The following TSPAN7 variants were observed in gnomAD, a reference collection of about 807,000 sequenced individuals.
The protein encoded by TSPAN7 is tetraspanin 7.
Under a neutral mutation model 17.6 loss-of-function variants are expected in TSPAN7, and 1 was observed. That is an observed-to-expected ratio of 0.06 (90% CI 0.02 to 0.27). The LOEUF (loss-of-function observed/expected upper bound fraction) is 0.27. TSPAN7 is among the 10% of genes least tolerant of loss of function. TSPAN7 has a pLI of 1.00. For synonymous variants in TSPAN7, 78 were observed against 79.0 expected (o/e 0.99, Z 0.07); for missense variants, 112 against 201.7 (o/e 0.56, Z 2.69).
chrX:38,677,867 A>G lies in TSPAN7; in HGVS notation c.597+2007A>G, dbSNP rs566528912. On this transcript the variant is annotated intron_variant, in intron 5 of 7. Transcript: ENST00000378482. Reference sequence around the variant, plus strand: ...GTAATAGTAGATGCTCATAAATGTTACCCTTCCTCCCAGTGACTCCTTCCC... The same window carrying G: ...GTAATAGTAGATGCTCATAAATGTTGCCCTTCCTCCCAGTGACTCCTTCCC... 5.4e-5 allele frequency among the ~76,000 whole-genome samples: 6 copies of G among 112,021 alleles called. No homozygotes were observed. In the South Asian group the frequency reaches 2.3e-3, roughly 42 times the overall value.
intron 1 of TSPAN7, among the ~76,000 whole-genome samples, chrX:38,593,810 A>G (rs2069304843): frequency 8.9e-6 from 1 of 112,527 alleles, no homozygotes; most frequent in African/African-American, 3.2e-5. Context: ...CAGAAATGTG[A>G]GAAAATAAGT....
intron 1 of TSPAN7, among the ~76,000 whole-genome samples, chrX:38,655,434 G>A (rs2069697807): frequency 9.0e-6 from 1 of 111,021 alleles, no homozygotes; most frequent in Admixed American, 9.6e-5. Context: ...TATATGCAGT[G>A]TGGACATATG....
chrX:38,681,953 A>AG lies in TSPAN7; in HGVS notation c.681+667dup, dbSNP rs765062192. ...TAAGATTAAGCTAAATCTAAAATGT[A>AG]GCCCACGTCCACCAGGCAGGGCATG... On this transcript the variant is annotated intron_variant, in intron 6 of 7. Transcript: ENST00000378482. Among the ~76,000 whole-genome samples the AG allele has an allele frequency of 3.6e-5, 4 of 112,051 alleles. No homozygotes were observed. In the South Asian group the frequency reaches 1.5e-3, roughly 42 times the overall value.
intron 1 of TSPAN7, among the ~76,000 whole-genome samples, chrX:38,625,287 T>G (rs1045184574): frequency 9.0e-6 from 1 of 111,056 alleles, no homozygotes; most frequent in Non-Finnish European, 1.9e-5. Context: ...TTAAAACCCC[T>G]TTTCTTAACT....
At chrX:38,628,087 G>C (rs1248731312) in intron 1 of TSPAN7, among the ~76,000 whole-genome samples, 1 of 113,076 alleles carries the variant, frequency 8.8e-6, no homozygotes, top group Non-Finnish European at 1.9e-5. Context: ...CAGAGTTCTA[G>C]ATCCTATTGT....
chrX:38,615,268 A>G (rs372376969), intron 1 of TSPAN7, among the ~76,000 whole-genome samples: 1 of 111,752 alleles, frequency 8.9e-6, no homozygotes, highest in African/African-American at 3.3e-5. Context: ...ATTCTTTTTC[A>G]TAACTATAGC....
chrX:38,568,823 T>C (rs1437905965), intron 1 of TSPAN7, among the ~76,000 whole-genome samples: 3 of 111,247 alleles, frequency 2.7e-5, no homozygotes, highest in Non-Finnish European at 5.7e-5. Flanking sequence ...CTACCTCTTT[T>C]TCTTCTTGTT....
chrX:38,674,821 AAG>A (rs1408126029), intron 4 of TSPAN7, among the ~76,000 whole-genome samples: 3 of 110,919 alleles, frequency 2.7e-5, no homozygotes, highest in Non-Finnish European at 5.7e-5. Flanking sequence ...GGGGAAATAG[AAG>A]AGAGATTTCC....
chrX:38,590,757 A>C (rs1000429400), intron 1 of TSPAN7, among the ~76,000 whole-genome samples: 1 of 111,650 alleles, frequency 9.0e-6, no homozygotes, highest in African/African-American at 3.2e-5. Context: ...ATCTTTTGCT[A>C]GTATAGATTC....
chrX:38,611,708 T>C (rs185337332), intron 1 of TSPAN7, among the ~76,000 whole-genome samples: 138 of 112,007 alleles, frequency 1.2e-3, no homozygotes, highest in East Asian at 1.4e-3. Flanking sequence ...GTACTCTTTG[T>C]AACATAATCT....
chrX:38,609,754 C>T (rs897494593), intron 1 of TSPAN7, among the ~76,000 whole-genome samples: 2 of 109,756 alleles, frequency 1.8e-5, no homozygotes, highest in Non-Finnish European at 3.8e-5. Context: ...GAGACAGTTA[C>T]ATACTCATTT....
At chrX:38,673,604 C>A (rs1170147098) in intron 3 of TSPAN7, among the ~76,000 whole-genome samples, 3 of 110,556 alleles carry the variant, frequency 2.7e-5, no homozygotes, top group Non-Finnish European at 3.8e-5. Context: ...AACTCCTGAC[C>A]TCAAGTTATC....
chrX:38,687,806 C>G, intron 7 of TSPAN7, 132 bp downstream of exon 7: 1 of 464,282 alleles, frequency 2.2e-6, no homozygotes, highest in Non-Finnish European at 3.5e-6. Flanking sequence ...GTTCAGAAAT[C>G]TCATTTCTGT....
At chrX:38,675,955 G>A (rs2069851305) in intron 5 of TSPAN7, 95 bp downstream of exon 5, 2 of 1,020,574 alleles carry the variant, frequency 2.0e-6, no homozygotes, top group Admixed American at 2.6e-5. Context: ...ATTTGAAATA[G>A]TAGTCAAGGG....
intron 1 of TSPAN7, among the ~76,000 whole-genome samples, chrX:38,614,993 T>C (rs1602099941): frequency 1.9e-5 from 1 of 52,736 alleles, no homozygotes; most frequent in Non-Finnish European, 3.8e-5. Flanking sequence ...AGATTTATTC[T>C]TTTTTTTTTT....
At chrX:38,674,352 A>G (rs960589004) in intron 4 of TSPAN7, 36 bp downstream of exon 4, 28 of 1,115,426 alleles carry the variant, frequency 2.5e-5, no homozygotes, top group Non-Finnish European at 2.9e-5. Context: ...TGAACTAACT[A>G]TGAAGTCTAG....
rs908491517 is a variant in TSPAN7 at position 38,568,284 on chromosome X, C to G, written c.81+6657C>G. Reference sequence around the variant, plus strand: ...TCGGTTTTTGAGATGTCATGTCTTTCTCTTCCTTGGTGTTTTTTTTTTTTT... The same window carrying G: ...TCGGTTTTTGAGATGTCATGTCTTTGTCTTCCTTGGTGTTTTTTTTTTTTT... On this transcript the variant is annotated intron_variant, in intron 1 of 7. Coordinates refer to ENST00000378482, the MANE Select transcript of TSPAN7 (RefSeq NM_004615.4). Among the ~76,000 whole-genome samples, 103 of 104,743 alleles carry G rather than the reference C, an allele frequency of 9.8e-4. 1 individual carries two copies. The Admixed American group carries it at 0.01, about 11-fold the overall frequency. 91.0% of individuals were successfully genotyped at this position (104,743 alleles called of 115,157 possible). A position where few individuals can be genotyped will look rare whatever the true frequency, so the allele number is the denominator to read the frequency against.
intron 6 of TSPAN7, among the ~76,000 whole-genome samples, chrX:38,681,871 A>C (rs1255285622): frequency 2.7e-5 from 3 of 112,052 alleles, no homozygotes; most frequent in Non-Finnish European, 5.6e-5. Flanking sequence ...CCCTCAAAAA[A>C]AACAATGGGA....
At chrX:38,621,145 C>T (rs964854136) in intron 1 of TSPAN7, among the ~76,000 whole-genome samples, 7 of 112,140 alleles carry the variant, frequency 6.2e-5, no homozygotes, top group Admixed American at 1.9e-4. Flanking sequence ...TAGATATCAG[C>T]AAGGATACCA....
Sources: allele counts gnomAD v4.1 joint callset (sites outside exome capture counted in the v4.1 genomes callset), GRCh38; gene constraint gnomAD v4.1.1; transcripts MANE v1.5; gene names NCBI Gene and HGNC (gene_info 2026-07-23, HGNC 2026-07-21).